CAND2: variants seen among roughly 807,000 people sequenced by gnomAD.
CAND2 encodes cullin-associated NEDD8-dissociated protein 2.
Under a neutral mutation model 98.9 loss-of-function variants are expected in CAND2, and 62 were observed. The observed-to-expected ratio is 0.63, with a 90% CI of 0.51 to 0.77. CAND2 has a LOEUF of 0.77. Among genes scored for constraint, CAND2 ranks in the 30% least tolerant of loss-of-function variants. CAND2 has a pLI of 0.00. For synonymous variants in CAND2, 770 were observed against 731.9 expected (o/e 1.05, Z -0.84); for missense variants, 1,501 against 1,655.2 (o/e 0.91, Z 1.62).
Position 12,817,566 on chromosome 3 carries a change from G to T in CAND2, c.2634G>T (p.Arg878Ser), listed in dbSNP as rs2061919151. 2 of 1,613,930 alleles carry T rather than the reference G, an allele frequency of 1.2e-6. No homozygotes were observed. Among genetic ancestry groups the T allele is most frequent in the South Asian group, 1.1e-5 (1 of 91,092 alleles). The change falls in exon 10 of 15, where the codon AGG becomes AGT. Residue 878 changes from arginine (R) to serine (S), a missense_variant. Arg to Ser is a moderately radical substitution (Grantham distance 110, BLOSUM62 -1). Around this residue, in one of 3 missense-constraint regions of CAND2, gnomAD observed 1,427 missense variants for 1,545.3 expected, o/e 0.92. Coordinates refer to ENST00000456430, the MANE Select transcript of CAND2 (RefSeq NM_001162499.2). The part of the protein sequence containing the change: ...EALGSPSEDV[R>S]AAASYALGRV... ...TGGGGTCACCCAGTGAGGATGTGAG[G>T]GCTGCAGCCTCGTATGCACTGGGCC...
chr3:12,799,210 C>T (rs2061748908), intron 1 of CAND2, among the ~76,000 whole-genome samples: 1 of 152,106 alleles, frequency 6.6e-6, no homozygotes, highest in Admixed American at 6.6e-5. Context: ...TTTCTTACTA[C>T]CTCATGCTAA....
At chr3:12,812,948 AG>A in intron 5 of CAND2, 41 bp from the exon 6 acceptor site, 1 of 1,283,702 alleles carries the variant, frequency 7.8e-7, no homozygotes. Context: ...GAACTCCGGG[AG>A]AGTGTCTGGC....
intron 9 of CAND2, 108 bp from the exon 10 acceptor site, chr3:12,816,266 G>T: frequency 8.8e-7 from 1 of 1,132,798 alleles, no homozygotes; most frequent in Non-Finnish European, 1.3e-6. Flanking sequence ...GAAGAGTTTA[G>T]GTGCTTCAGT....
At chr3:12,798,443 C>CCAA (rs770432989) in intron 1 of CAND2, among the ~76,000 whole-genome samples, 51 of 152,212 alleles carry the variant, frequency 3.4e-4, no homozygotes, top group Non-Finnish European at 4.7e-4. Flanking sequence ...TCTTAGTGCC[C>CCAA]CAACACCTGT....
At chr3:12,804,173 G>C (rs924279587) in intron 2 of CAND2, among the ~76,000 whole-genome samples, 1 of 152,140 alleles carries the variant, frequency 6.6e-6, no homozygotes, top group Non-Finnish European at 1.5e-5. Context: ...AGGCTTAAAG[G>C]CTGGGTGCGG....
intron 7 of CAND2, among the ~76,000 whole-genome samples, chr3:12,813,657 A>T (rs1383459828): frequency 6.6e-6 from 1 of 152,258 alleles, no homozygotes. Flanking sequence ...AAGGACACAT[A>T]CTGAGAAGAG....
chr3:12,813,694 A>C (rs1055130271), intron 7 of CAND2, among the ~76,000 whole-genome samples: 10 of 152,244 alleles, frequency 6.6e-5, no homozygotes, highest in African/African-American at 9.6e-5. Flanking sequence ...ACAACTAGGA[A>C]TTGGCATAGC....
intron 10 of CAND2, among the ~76,000 whole-genome samples, chr3:12,819,831 GT>G (rs1233330204): frequency 6.6e-6 from 1 of 152,174 alleles, no homozygotes; most frequent in African/African-American, 2.4e-5. Context: ...TCCTGTCTTG[GT>G]TATTGGTTCC....
Position 12,815,907 on chromosome 3 carries a change from A to G in CAND2, c.1340A>G (p.Asp447Gly). ...VVKALQRQLK[D>G]RSVRARQGCF... ...AAGGCCCTGCAGCGGCAGCTTAAAG[A>G]TCGGAGCGTCAGAGCCCGCCAGGGA... Residue 447 changes from aspartate (D) to glycine (G), a missense_variant, in exon 9 of 15, where the codon GAT (aspartate) becomes GGT (glycine). Coordinates refer to ENST00000456430, the MANE Select transcript of CAND2 (RefSeq NM_001162499.2). The surrounding 1 kb of genome is among the most constrained non-coding windows in gnomAD (Gnocchi z 5.7). 1 of 1,613,672 alleles carries G rather than the reference A, an allele frequency of 6.2e-7. No homozygotes were observed.
rs2124861634 is a variant in CAND2 at position 12,820,150 on chromosome 3, T to C, written c.3009T>C (p.His1003=). The change falls in exon 11 of 15, where the codon CAT becomes CAC. Residue 1003 remains histidine, a synonymous_variant. Transcript: ENST00000456430. ...AGTTCCTTATCTCGGACCAGCCCCA[T>C]CCCATTGACCCCCTCCTGAAGAGCT... ...AVKFLISDQP[H]PIDPLLKSFI... 3 of 1,614,036 alleles carry C rather than the reference T, an allele frequency of 1.9e-6. No individual in the cohort carries two copies. The East Asian group carries it at 6.7e-5, about 36-fold the overall frequency.
intron 12 of CAND2, 24 bp downstream of exon 12, chr3:12,825,663 AG>A: frequency 6.3e-7 from 1 of 1,581,370 alleles, no homozygotes; most frequent in Non-Finnish European, 8.6e-7. Flanking sequence ...CTGGGGACCC[AG>A]GGGAAGCTGG....
At chr3:12,821,669 A>C (rs2061958111) in intron 11 of CAND2, among the ~76,000 whole-genome samples, 1 of 152,130 alleles carries the variant, frequency 6.6e-6, no homozygotes, top group Non-Finnish European at 1.5e-5. Context: ...GCTTTAAAAC[A>C]TTTGAACTGG....
intron 1 of CAND2, among the ~76,000 whole-genome samples, chr3:12,799,672 G>A (rs1177121873): frequency 2.0e-5 from 3 of 152,226 alleles, no homozygotes; most frequent in South Asian, 2.1e-4. Flanking sequence ...TGAGCCTGGA[G>A]TCCCAGAGAT....
intron 11 of CAND2, among the ~76,000 whole-genome samples, chr3:12,824,018 T>A (rs916645870): frequency 6.6e-6 from 1 of 152,092 alleles, no homozygotes; most frequent in Admixed American, 6.5e-5. Context: ...ATGTTTAAAC[T>A]ATAATGGCTG....
intron 1 of CAND2, among the ~76,000 whole-genome samples, chr3:12,801,506 C>A (rs551251628): frequency 8.3e-4 from 127 of 152,360 alleles, no homozygotes; most frequent in Admixed American, 1.6e-3. Flanking sequence ...CGCACCATTC[C>A]TCGACTTGGA....
intron 1 of CAND2, among the ~76,000 whole-genome samples, chr3:12,798,145 C>T (rs1290731761): frequency 6.6e-6 from 1 of 152,122 alleles, no homozygotes; most frequent in African/African-American, 2.4e-5. Flanking sequence ...GTGAAATGCT[C>T]AGGTTCATGG....
Position 12,816,379 on chromosome 3 carries a change from A to T in CAND2, c.1447A>T (p.Ile483Phe). The part of the protein sequence containing the change: ...EHMPVLVSGI[I>F]FSLADRSSSS... ...CCTTTGCATTCACCCTGCAGGCATCATCTTCTCGCTGGCCGACCGCTCCAG... is the reference window on the plus strand; with the variant it reads ...CCTTTGCATTCACCCTGCAGGCATCTTCTTCTCGCTGGCCGACCGCTCCAG... Residue 483 changes from isoleucine (I) to phenylalanine (F), a missense_variant, in exon 10 of 15, where the codon ATC becomes TTC. Ile to Phe is a conservative substitution (Grantham distance 21). This residue lies in a region of CAND2 where 1,427 missense variants were observed against 1,545.3 expected (regional missense o/e 0.92). Coordinates refer to ENST00000456430, the MANE Select transcript of CAND2 (RefSeq NM_001162499.2). 4 of 1,609,744 alleles carry T rather than the reference A, an allele frequency of 2.5e-6. No individual in the cohort carries two copies. The highest frequency in any genetic ancestry group is 1.3e-5 in the African/African-American group (1 of 74,994).
chr3:12,808,428 C>A, intron 4 of CAND2, 95 bp downstream of exon 4: 1 of 1,374,174 alleles, frequency 7.3e-7, no homozygotes, highest in East Asian at 2.6e-5. Context: ...CACACCAGGC[C>A]CTGTGCTTGG....
intron 13 of CAND2, among the ~76,000 whole-genome samples, chr3:12,829,450 T>C (rs998354805): frequency 7.2e-5 from 11 of 152,362 alleles, no homozygotes; most frequent in Non-Finnish European, 1.6e-4. Flanking sequence ...CCCGGCCCCA[T>C]ATTACAACTT....
Sources: allele counts gnomAD v4.1 joint callset (sites outside exome capture counted in the v4.1 genomes callset), GRCh38; gene constraint gnomAD v4.1.1; regional missense constraint gnomAD v4.1.1; non-coding constraint Gnocchi (gnomAD v3.1); transcripts MANE v1.5; gene names NCBI Gene and HGNC (gene_info 2026-07-23, HGNC 2026-07-21).